Variants in TNR observed in about 807,000 individuals in gnomAD.
TNR encodes tenascin-R.
In TNR, 45 loss-of-function variants were observed where a neutral mutation model predicts 150.4. That is an observed-to-expected ratio of 0.30 (90% CI 0.24 to 0.38). TNR has a LOEUF of 0.38. TNR is among the 10% of genes least tolerant of loss of function. The probability of loss-of-function intolerance (pLI) is 1.00; values close to 1 mark genes in which losing one functional copy is unlikely to be tolerated. For synonymous variants in TNR, 687 were observed against 678.4 expected, an observed-to-expected ratio of 1.01 and a Z score of -0.20; for missense variants, 1,544 against 1,759.1, an observed-to-expected ratio of 0.88 and a Z score of 2.19.
At chr1:175,502,582 C>T (rs1238250079) in intron 2 of TNR, among the ~76,000 whole-genome samples, 1 of 152,198 alleles carries the variant, frequency 6.6e-6, no homozygotes, top group Non-Finnish European at 1.5e-5. Flanking sequence ...CTCAATCTTG[C>T]CTTCCTCACC....
rs1553201218 is a variant in TNR at position 175,320,725 on chromosome 1, T to TGTGTGTGTGTGTGTGTGTG, written c.*2631_*2632insCACACACACACACACACAC. Reference sequence around the variant, plus strand: ...GTGTGTGTGTGTGTGTGTGTGTGTGTTTTACTTATGACTCCTGAATCAATC... The same window carrying TGTGTGTGTGTGTGTGTGTG: ...GTGTGTGTGTGTGTGTGTGTGTGTGTGTGTGTGTGTGTGTGTGTGTTTACTTATGACTCCTGAATCAATC... On this transcript the variant is annotated 3_prime_UTR_variant, in exon 23 of 23. Coordinates refer to ENST00000367674, the MANE Select transcript of TNR (RefSeq NM_003285.3). 1.3e-5 allele frequency: 2 copies of TGTGTGTGTGTGTGTGTGTG among 151,738 alleles called. No individual in the cohort carries two copies. The highest frequency in any genetic ancestry group is 4.8e-5 in the African/African-American group (2 of 41,264). 9.4% of individuals were successfully genotyped at this position (151,738 alleles called of 1,614,324 possible).
intron 1 of TNR, among the ~76,000 whole-genome samples, chr1:175,700,141 A>G (rs1666646408): frequency 6.6e-6 from 1 of 151,114 alleles, no homozygotes; most frequent in South Asian, 2.1e-4. Context: ...CAGTCCAAGG[A>G]AGGCTAGAAG....
intron 1 of TNR, among the ~76,000 whole-genome samples, chr1:175,529,329 C>A (rs1659974933): frequency 6.6e-6 from 1 of 152,208 alleles, no homozygotes; most frequent in South Asian, 2.1e-4. Context: ...GCTTGCTCAT[C>A]TAAGACATCT....
intron 2 of TNR, among the ~76,000 whole-genome samples, chr1:175,512,108 C>T (rs991396999): frequency 2.6e-5 from 4 of 152,104 alleles, no homozygotes; most frequent in Admixed American, 2.6e-4. Flanking sequence ...GTGGCATTCA[C>T]TCCTAGAACA....
intron 8 of TNR, among the ~76,000 whole-genome samples, chr1:175,384,212 C>T (rs958273583): frequency 6.6e-6 from 1 of 152,208 alleles, no homozygotes; most frequent in Non-Finnish European, 1.5e-5. Context: ...ATGCAGGACT[C>T]ATTGTCCACA....
At chr1:175,582,992 GC>G (rs1662418816) in intron 1 of TNR, among the ~76,000 whole-genome samples, 1 of 151,966 alleles carries the variant, frequency 6.6e-6, no homozygotes, top group African/African-American at 2.4e-5. Flanking sequence ...CCCCCGAGAT[GC>G]CAGCACCTTG....
intron 1 of TNR, among the ~76,000 whole-genome samples, chr1:175,682,093 T>G (rs1035648895): frequency 6.6e-6 from 1 of 152,212 alleles, no homozygotes; most frequent in African/African-American, 2.4e-5. Context: ...GTTTTAATCC[T>G]GAGAAAAATG....
chr1:175,595,429 T>G (rs527767756), intron 1 of TNR, among the ~76,000 whole-genome samples: 1 of 152,332 alleles, frequency 6.6e-6, no homozygotes, highest in South Asian at 2.1e-4. Context: ...TTTCAGAGCT[T>G]ACTCCTGTGC....
chr1:175,346,273 A>G (rs965906353), intron 18 of TNR, among the ~76,000 whole-genome samples: 4 of 152,214 alleles, frequency 2.6e-5, no homozygotes, highest in African/African-American at 9.6e-5. Context: ...ATAAAAGGCT[A>G]TAATTAACAG....
intron 2 of TNR, among the ~76,000 whole-genome samples, chr1:175,491,037 C>T (rs933819263): frequency 8.5e-5 from 13 of 152,060 alleles, no homozygotes; most frequent in African/African-American, 3.1e-4. Flanking sequence ...TAATATGTAG[C>T]CATAAAAAGG....
intron 2 of TNR, among the ~76,000 whole-genome samples, chr1:175,435,850 G>A (rs1476080529): frequency 6.6e-6 from 1 of 152,168 alleles, no homozygotes; most frequent in South Asian, 2.1e-4. Flanking sequence ...CAAAATCTCT[G>A]AGCATTTGCT....
At chr1:175,669,691 G>C (rs538861110) in intron 1 of TNR, among the ~76,000 whole-genome samples, 2 of 152,320 alleles carry the variant, frequency 1.3e-5, no homozygotes, top group African/African-American at 4.8e-5. Context: ...TGGGCAGAGA[G>C]GAAACCTCTA....
intron 1 of TNR, among the ~76,000 whole-genome samples, chr1:175,614,126 A>C (rs376401890): frequency 7.2e-4 from 109 of 152,366 alleles, no homozygotes; most frequent in African/African-American, 2.6e-3. Flanking sequence ...TAGCTATTAC[A>C]TCTTGCTTAT....
chr1:175,439,607 A>C (rs1385739571), intron 2 of TNR, among the ~76,000 whole-genome samples: 1 of 152,230 alleles, frequency 6.6e-6, no homozygotes, highest in Non-Finnish European at 1.5e-5. Flanking sequence ...AATGGGAGAA[A>C]ATTTTTGCAA....
chr1:175,498,227 T>A (rs1190904834), intron 2 of TNR, among the ~76,000 whole-genome samples: 1 of 152,184 alleles, frequency 6.6e-6, no homozygotes, highest in Admixed American at 6.5e-5. Flanking sequence ...AGTAAGAAAC[T>A]GTTGCCAGGA....
chr1:175,654,983 A>G (rs1665130014), intron 1 of TNR, among the ~76,000 whole-genome samples: 2 of 152,046 alleles, frequency 1.3e-5, no homozygotes, highest in Non-Finnish European at 1.5e-5. Flanking sequence ...CAGCCTCCCA[A>G]AGTGCTGGGA....
intron 1 of TNR, among the ~76,000 whole-genome samples, chr1:175,629,462 G>A (rs1313333742): frequency 6.6e-6 from 1 of 152,176 alleles, no homozygotes; most frequent in Admixed American, 6.5e-5. Flanking sequence ...TAAACAGCCA[G>A]TGCGTGGCAT....
At position 175,406,891 on chromosome 1, in the gene TNR, G is replaced by C. The variant is rs1053192949; in HGVS notation, c.-63-114C>G. The C allele has an allele frequency of 5.9e-6, 4 of 683,590 alleles. No homozygotes were observed. In the East Asian group the frequency reaches 1.2e-4, roughly 20 times the overall value. 42.3% of individuals were successfully genotyped at this position (683,590 alleles called of 1,614,324 possible). ...GCAGCCAGAGATTTTCAAGGGGGGG[G>C]CGTCAGGAAGGGACAGTGGCTGCCA... On this transcript the variant is annotated intron_variant, in intron 2 of 22. Coordinates refer to ENST00000367674, the MANE Select transcript of TNR (RefSeq NM_003285.3).
chr1:175,328,655 C>T (rs1310887103), intron 21 of TNR, among the ~76,000 whole-genome samples: 1 of 152,180 alleles, frequency 6.6e-6, no homozygotes. Flanking sequence ...TGATGAACAG[C>T]CAAACTGTTG....
Sources: allele counts gnomAD v4.1 joint callset (sites outside exome capture counted in the v4.1 genomes callset), GRCh38; gene constraint gnomAD v4.1.1; transcripts MANE v1.5; gene names NCBI Gene and HGNC (gene_info 2026-07-23, HGNC 2026-07-21).